The following PHF3 variants were observed in gnomAD, a reference collection of about 807,000 sequenced individuals.
The protein encoded by PHF3 is PHD finger protein 3.
Under a neutral mutation model 178.4 loss-of-function variants are expected in PHF3, and 41 were observed. The ratio of observed to expected loss-of-function variants is 0.23; its 90% CI spans 0.18 to 0.30. The LOEUF (loss-of-function observed/expected upper bound fraction) is 0.30. Among genes scored for constraint, PHF3 ranks in the 10% least tolerant of loss-of-function variants. The pLI is 1.00. For missense variants in PHF3, 2,346 were observed against 2,398.1 expected, an observed-to-expected ratio of 0.98 and a Z score of 0.45; for synonymous variants, 842 against 800.5, an observed-to-expected ratio of 1.05 and a Z score of -0.88.
intron 4 of PHF3, among the ~76,000 whole-genome samples, chr6:63,686,964 A>G (rs1329991320): frequency 2.0e-5 from 3 of 152,172 alleles, no homozygotes. Flanking sequence ...GTTTTATGTC[A>G]AAGTATTTCT....
rs1768068053 is a variant in PHF3, at chr6:63,713,555, T to G, written c.5967T>G (p.Ser1989Arg). The G allele has an allele frequency of 6.2e-7, 1 of 1,613,042 alleles. No individual in the cohort carries two copies. The highest frequency in any genetic ancestry group is 8.5e-7 in the Non-Finnish European group (1 of 1,179,786). Residue 1989 changes from serine to arginine, a missense_variant, in exon 16 of 16, where the codon AGT (serine) becomes AGG (arginine). Coordinates refer to ENST00000262043, the MANE Select transcript of PHF3 (RefSeq NM_001370348.2). ...RGTDGKASRDSRNVDKKPDKP... is the reference protein window; with the variant it reads ...RGTDGKASRDRRNVDKKPDKP... ...CAGATGGAAAAGCAAGCAGAGATAGTAGGAATGTAGACAAGAAGCCAGATA... is the reference window on the plus strand; with the variant it reads ...CAGATGGAAAAGCAAGCAGAGATAGGAGGAATGTAGACAAGAAGCCAGATA...
intron 9 of PHF3, among the ~76,000 whole-genome samples, chr6:63,701,842 A>G (rs781255186): frequency 3.3e-5 from 5 of 152,152 alleles, no homozygotes; most frequent in Non-Finnish European, 5.9e-5. Flanking sequence ...GTATCAGAAA[A>G]TGCCAGCTTG....
intron 13 of PHF3, among the ~76,000 whole-genome samples, chr6:63,708,304 T>C (rs1240875369): frequency 6.6e-6 from 1 of 152,200 alleles, no homozygotes; most frequent in Non-Finnish European, 1.5e-5. Context: ...GTTTAGAAAT[T>C]TATTATTTGG....
intron 14 of PHF3, among the ~76,000 whole-genome samples, chr6:63,709,756 T>C (rs941276777): frequency 6.6e-6 from 1 of 152,152 alleles, no homozygotes; most frequent in South Asian, 2.1e-4. Flanking sequence ...CATCCATACA[T>C]AGCTGCTAGG....
At chr6:63,694,466 CGAAT>C in intron 5 of PHF3, 111 bp from the exon 6 acceptor site, 2 of 716,756 alleles carry the variant, frequency 2.8e-6, no homozygotes, top group Non-Finnish European at 4.4e-6. Context: ...GAATAGATTT[CGAAT>C]GAAAGAGTGA....
At chr6:63,677,056 A>G (rs1766200608) in intron 2 of PHF3, among the ~76,000 whole-genome samples, 1 of 152,030 alleles carries the variant, frequency 6.6e-6, no homozygotes, top group African/African-American at 2.4e-5. Flanking sequence ...CCTTGGGAGG[A>G]ACAGTTTTTT....
At chr6:63,666,202 A>G (rs930853773) in intron 2 of PHF3, among the ~76,000 whole-genome samples, 2 of 152,214 alleles carry the variant, frequency 1.3e-5, no homozygotes, top group Non-Finnish European at 2.9e-5. Flanking sequence ...TTTTTAAGGT[A>G]TACTGACTGT....
chr6:63,698,433 T>C lies in PHF3; in HGVS notation c.2826-16T>C, dbSNP rs1767329171. 1 of 1,585,818 alleles carries C rather than the reference T, an allele frequency of 6.3e-7. No individual in the cohort carries two copies. Among genetic ancestry groups the C allele is most frequent in the African/African-American group, 1.4e-5 (1 of 73,662 alleles). Reference sequence around the variant, plus strand: ...TTTATACATTTGAAAAATAATTGAATTGTTCTAATTTTAAGACTTACAGAC... The same window carrying C: ...TTTATACATTTGAAAAATAATTGAACTGTTCTAATTTTAAGACTTACAGAC... On this transcript the variant is annotated splice_polypyrimidine_tract_variant and intron_variant, in intron 7 of 15. Transcript: ENST00000262043.
In PHF3 at chr6:63,635,925, G is replaced by T; in HGVS notation, c.-251G>T. The T allele has an allele frequency of 5.0e-6, 2 of 398,038 alleles. No homozygotes were observed. The highest frequency in any genetic ancestry group is 6.3e-4 in the Middle Eastern group (1 of 1,586). 24.7% of individuals were successfully genotyped at this position (398,038 alleles called of 1,614,324 possible). On this transcript the variant is annotated 5_prime_UTR_variant, in exon 1 of 16. Transcript: ENST00000262043. ...AGCGACCTTCGGGCTCAGGGCGGCG[G>T]CGGCTGCAACGAGGATTAGGAGGGC...
chr6:63,643,414 G>A (rs1359433626), intron 1 of PHF3, among the ~76,000 whole-genome samples: 2 of 152,090 alleles, frequency 1.3e-5, no homozygotes, highest in Admixed American at 6.5e-5. Context: ...GAGCCAGTTG[G>A]AACCACGTAA....
rs557498484 is a variant in PHF3 at position 63,709,158 on chromosome 6, C to T, written c.3719C>T (p.Pro1240Leu). Residue 1240 changes from proline to leucine, a missense_variant, in exon 14 of 16, where the codon CCA (proline) becomes CTA (leucine). Physicochemically the swap from Pro to Leu is moderately conservative, Grantham distance 98. Coordinates refer to ENST00000262043, the MANE Select transcript of PHF3 (RefSeq NM_001370348.2). Reference sequence around the variant, plus strand: ...TTTTTTTTTTAACCATAGGACCTACCAGATAGTATTCAAGTAGGTGGCAGG... The same window carrying T: ...TTTTTTTTTTAACCATAGGACCTACTAGATAGTATTCAAGTAGGTGGCAGG... The part of the protein sequence containing the change: ...GSPEYLTEDL[P>L]DSIQVGGRIS... The T allele has an allele frequency of 3.8e-6, 6 of 1,574,148 alleles. No individual in the cohort carries two copies. The highest frequency in any genetic ancestry group is 5.2e-6 in the Non-Finnish European group (6 of 1,149,960).
chr6:63,681,163 G>T (rs1206637705), intron 3 of PHF3, among the ~76,000 whole-genome samples: 1 of 151,930 alleles, frequency 6.6e-6, no homozygotes, highest in African/African-American at 2.4e-5. Flanking sequence ...TAACTTCAGG[G>T]TTGTTGAGAA....
At chr6:63,709,128 C>CTT (rs77193327) in intron 13 of PHF3, 23 bp from the exon 14 acceptor site, 409 of 1,101,690 alleles carry the variant, frequency 3.7e-4, no homozygotes, top group South Asian at 6.0e-4. Flanking sequence ...ATATTGATCT[C>CTT]TTTTTTTTTT....
Position 63,685,374 on chromosome 6 carries a change from A to G in PHF3, c.1652A>G (p.Gln551Arg). Residue 551 changes from glutamine (Q) to arginine (R), a missense_variant, in exon 4 of 16, where the codon CAA becomes CGA. Around this residue, in one of 8 missense-constraint regions of PHF3, gnomAD observed 843 missense variants for 795.2 expected, o/e 1.06. Transcript: ENST00000262043. Reference sequence around the variant, plus strand: ...AGGCCAGTCAAAGTCAGAAAAAAACAAATTGATAAGGAGCCAAAGATTCAG... The same window carrying G: ...AGGCCAGTCAAAGTCAGAAAAAAACGAATTGATAAGGAGCCAAAGATTCAG... ...FHRPVKVRKK[Q>R]IDKEPKIQSC... 6.2e-7 allele frequency: 1 copy of G among 1,614,104 alleles called. No homozygotes were observed.
At chr6:63,705,698 GT>G in intron 11 of PHF3, among the ~76,000 whole-genome samples, 1 of 152,308 alleles carries the variant, frequency 6.6e-6, no homozygotes, top group Non-Finnish European at 1.5e-5. Context: ...TGTTTTACAT[GT>G]AGGAAATAAT....
Position 63,713,028 on chromosome 6 carries a change from G to A in PHF3, c.5440G>A (p.Gly1814Arg). The A allele has an allele frequency of 2.5e-6, 4 of 1,613,924 alleles. No homozygotes were observed. The highest frequency in any genetic ancestry group is 3.4e-6 in the Non-Finnish European group (4 of 1,179,934). Residue 1814 changes from glycine to arginine, a missense_variant, in exon 16 of 16, where the codon GGA becomes AGA. Around this residue, in one of 8 missense-constraint regions of PHF3, gnomAD observed 839 missense variants for 806.9 expected, o/e 1.04. Coordinates refer to ENST00000262043, the MANE Select transcript of PHF3 (RefSeq NM_001370348.2). ...TCAGCATCTCAAGTCTAGCCCACCTGGATTTCCATTTCCAGGGCCTCCTAA... is the reference window on the plus strand; with the variant it reads ...TCAGCATCTCAAGTCTAGCCCACCTAGATTTCCATTTCCAGGGCCTCCTAA... ...NLQHLKSSPPGFPFPGPPNFP... is the reference protein window; with the variant it reads ...NLQHLKSSPPRFPFPGPPNFP...
In PHF3 at chr6:63,698,414, C is replaced by T. The variant is rs750493716; in HGVS notation, c.2826-35C>T. The T allele has an allele frequency of 9.5e-6, 15 of 1,583,630 alleles. No individual in the cohort carries two copies. The East Asian group carries it at 3.4e-4, about 36-fold the overall frequency. On this transcript the variant is annotated intron_variant, in intron 7 of 15. Coordinates refer to ENST00000262043, the MANE Select transcript of PHF3 (RefSeq NM_001370348.2). ...GAAGTATCAATAATTATGCTTTATA[C>T]ATTTGAAAAATAATTGAATTGTTCT...
Position 63,684,302 on chromosome 6 carries a change from C to T in PHF3, c.580C>T (p.His194Tyr). 6.2e-7 allele frequency: 1 copy of T among 1,613,882 alleles called. No homozygotes were observed. The highest frequency in any genetic ancestry group is 8.5e-7 in the Non-Finnish European group (1 of 1,179,884). Residue 194 changes from histidine to tyrosine, a missense_variant, in exon 4 of 16, where the codon CAT (histidine) becomes TAT (tyrosine). Physicochemically the swap from His to Tyr is moderately conservative, Grantham distance 83. Coordinates refer to ENST00000262043, the MANE Select transcript of PHF3 (RefSeq NM_001370348.2). ...ATGTATGTCACTGAAACCTGAGTAC[C>T]ATAAGGAGAATAGAAGGTGCAGCCG... is the stretch of plus-strand genomic sequence containing the variant. Reference protein sequence around the residue: ...EVCMSLKPEYHKENRRCSRNS... With the variant: ...EVCMSLKPEYYKENRRCSRNS...
At chr6:63,693,125 A>G (rs1767077234) in intron 5 of PHF3, among the ~76,000 whole-genome samples, 1 of 152,222 alleles carries the variant, frequency 6.6e-6, no homozygotes, top group Admixed American at 6.5e-5. Flanking sequence ...TTGATCATCA[A>G]AGTAATTGAT....
Sources: gnomAD v4.1 joint callset for allele counts (sites outside exome capture counted in the v4.1 genomes callset) on GRCh38, gnomAD v4.1.1 for gene constraint, gnomAD v4.1.1 regional missense constraint, MANE v1.5 for transcripts, NCBI Gene and HGNC (gene_info 2026-07-23, HGNC 2026-07-21) for gene names.